Variants in ADAM2 observed in about 807,000 individuals in gnomAD.
ADAM2 encodes the protein disintegrin and metalloproteinase domain-containing protein 2.
A neutral mutation model predicts 99.3 loss-of-function variants in ADAM2; 101 were observed. The observed-to-expected ratio is 1.02, with a 90% confidence interval of 0.87 to 1.20. ADAM2 has a LOEUF of 1.20. Among genes scored for constraint, ADAM2 ranks in the 50% most tolerant of loss-of-function variants. ADAM2 has a pLI of 0.00. For missense variants in ADAM2, 948 were observed against 878.7 expected (o/e 1.08, Z -1.00); for synonymous variants, 323 against 287.6 (o/e 1.12, Z -1.25).
chr8:39,758,484 A>T (rs891070438), intron 15 of ADAM2, among the ~76,000 whole-genome samples: 1 of 152,052 alleles, frequency 6.6e-6, no homozygotes, highest in Non-Finnish European at 1.5e-5. Context: ...TACAGGAATT[A>T]TTTGCACTAT....
intron 3 of ADAM2, among the ~76,000 whole-genome samples, chr8:39,829,356 C>T (rs1360110854): frequency 6.6e-6 from 1 of 151,872 alleles, no homozygotes; most frequent in Non-Finnish European, 1.5e-5. Context: ...CTTAAACAGG[C>T]ACTTCACAGG....
At chr8:39,793,476 A>C (rs1288483016) in intron 7 of ADAM2, among the ~76,000 whole-genome samples, 1 of 152,094 alleles carries the variant, frequency 6.6e-6, no homozygotes, top group African/African-American at 2.4e-5. Flanking sequence ...CCATTGGGAG[A>C]ATTTTTTAAG....
intron 7 of ADAM2, among the ~76,000 whole-genome samples, chr8:39,795,906 A>G (rs557596111): frequency 2.5e-4 from 38 of 152,296 alleles, no homozygotes; most frequent in African/African-American, 8.9e-4. Context: ...CTGCACTTAC[A>G]TAATAATTAG....
At chr8:39,750,245 A>T (rs193125972) in intron 16 of ADAM2, among the ~76,000 whole-genome samples, 112 of 152,262 alleles carry the variant, frequency 7.4e-4, no homozygotes, top group Admixed American at 2.0e-3. Flanking sequence ...TGAGAAATCT[A>T]AAGGGCAGTG....
Position 39,777,025 on chromosome 8 carries a change from A to G in ADAM2, c.1028T>C (p.Ile343Thr), listed in dbSNP as rs1296428328. 9 of 1,558,982 alleles carry G rather than the reference A, an allele frequency of 5.8e-6. No individual in the cohort carries two copies. In the Admixed American group the frequency reaches 1.2e-4, roughly 20 times the overall value. ...AAAGTATAAAAGTCAGAAATCTTAC[A>G]TTGCTTCTGGATTCATAATGCAGAC... Reference protein sequence around the residue: ...GAVCIMNPEAIHFSGVKIFSN... With the variant: ...GAVCIMNPEATHFSGVKIFSN... The change falls in exon 11 of 21, where the codon ATT (isoleucine) becomes ACT (threonine). Residue 343 changes from isoleucine to threonine, a missense_variant and splice_region_variant. Transcript: ENST00000265708.
intron 7 of ADAM2, among the ~76,000 whole-genome samples, chr8:39,789,392 C>G (rs1012329228): frequency 2.0e-5 from 3 of 151,766 alleles, no homozygotes; most frequent in Non-Finnish European, 4.4e-5. Context: ...ATCTATAGCA[C>G]ATTTCACTAC....
intron 6 of ADAM2, among the ~76,000 whole-genome samples, chr8:39,817,139 T>C (rs1316057712): frequency 6.6e-6 from 1 of 151,570 alleles, no homozygotes; most frequent in Non-Finnish European, 1.5e-5. Flanking sequence ...AAAAAATAAA[T>C]AGATTAGATA....
At chr8:39,833,135 G>A (rs1379264116) in intron 3 of ADAM2, among the ~76,000 whole-genome samples, 7 of 152,110 alleles carry the variant, frequency 4.6e-5, no homozygotes, top group South Asian at 2.1e-4. Context: ...GGGATTCTAT[G>A]TCAGTTTGCT....
At chr8:39,808,429 T>A (rs1231747783) in intron 7 of ADAM2, among the ~76,000 whole-genome samples, 1 of 151,992 alleles carries the variant, frequency 6.6e-6, no homozygotes, top group Non-Finnish European at 1.5e-5. Context: ...TCAAAGAAGA[T>A]CTAAATAATG....
At chr8:39,811,439 C>A (rs1001246781) in intron 6 of ADAM2, among the ~76,000 whole-genome samples, 1 of 152,152 alleles carries the variant, frequency 6.6e-6, no homozygotes, top group African/African-American at 2.4e-5. Context: ...AGGCCAGCAT[C>A]ATCCTGATAC....
At chr8:39,754,566 G>A (rs1282097033) in intron 16 of ADAM2, among the ~76,000 whole-genome samples, 5 of 152,156 alleles carry the variant, frequency 3.3e-5, no homozygotes, top group African/African-American at 9.7e-5. Flanking sequence ...AAAAGCAAAT[G>A]TGTTGCACAA....
At chr8:39,837,613 C>T (rs1805893997) in intron 1 of ADAM2, among the ~76,000 whole-genome samples, 1 of 152,142 alleles carries the variant, frequency 6.6e-6, no homozygotes, top group African/African-American at 2.4e-5. Context: ...TCTCGATCTC[C>T]TGACCTCGTG....
chr8:39,748,318 G>A (rs933053440), intron 18 of ADAM2, among the ~76,000 whole-genome samples: 4 of 152,104 alleles, frequency 2.6e-5, no homozygotes, highest in African/African-American at 9.7e-5. Flanking sequence ...GGTCTCCACT[G>A]CTCATTGGGA....
intron 3 of ADAM2, among the ~76,000 whole-genome samples, chr8:39,826,386 A>G (rs534736018): frequency 6.6e-6 from 1 of 152,218 alleles, no homozygotes; most frequent in African/African-American, 2.4e-5. Flanking sequence ...CTGGACACCC[A>G]CATGCAGAAA....
Position 39,744,820 on chromosome 8 carries a change from AG to A in ADAM2, c.*30+9del. 6.4e-7 allele frequency: 1 copy of A among 1,552,716 alleles called. No homozygotes were observed. The highest frequency in any genetic ancestry group is 8.7e-7 in the Non-Finnish European group (1 of 1,146,100). On this transcript the variant is annotated intron_variant, in intron 20 of 20. Transcript: ENST00000265708. Reference sequence around the variant, plus strand: ...GTAAAATAAATTTTAAAAAAATGAAAGAAACTCACAGTGATATCATGGCATC... The same window carrying A: ...GTAAAATAAATTTTAAAAAAATGAAAAAACTCACAGTGATATCATGGCATC...
chr8:39,777,242 T>C lies in ADAM2; in HGVS notation c.892-81A>G, dbSNP rs990627669. Reference sequence around the variant, plus strand: ...AACAATGCAATTATTAAAGATCACATGATAAAATGGAATAGGGGCATCTGT... The same window carrying C: ...AACAATGCAATTATTAAAGATCACACGATAAAATGGAATAGGGGCATCTGT... On this transcript the variant is annotated intron_variant, in intron 10 of 20. Transcript: ENST00000265708. 2.7e-5 allele frequency: 32 copies of C among 1,180,020 alleles called. No individual in the cohort carries two copies. The South Asian group carries it at 4.0e-4, about 15-fold the overall frequency. The allele number at this position is 1,180,020 out of a possible 1,614,324, so 73.1% of individuals were successfully genotyped here.
At chr8:39,831,655 TC>T (rs1267880653) in intron 3 of ADAM2, among the ~76,000 whole-genome samples, 2 of 151,950 alleles carry the variant, frequency 1.3e-5, no homozygotes, top group African/African-American at 4.8e-5. Context: ...TGTACAGAAA[TC>T]CTAACCATGA....
intron 14 of ADAM2, among the ~76,000 whole-genome samples, chr8:39,763,594 C>T (rs1802456160): frequency 6.6e-6 from 1 of 152,238 alleles, no homozygotes; most frequent in African/African-American, 2.4e-5. Flanking sequence ...TGCTAAACAA[C>T]AATGCCCACT....
intron 15 of ADAM2, among the ~76,000 whole-genome samples, chr8:39,758,003 T>C (rs1236796758): frequency 6.6e-6 from 1 of 152,218 alleles, no homozygotes; most frequent in Non-Finnish European, 1.5e-5. Flanking sequence ...TCAGTAAGTA[T>C]ATGCTTTAGC....
Sources: gnomAD v4.1 joint callset for allele counts (sites outside exome capture counted in the v4.1 genomes callset) on GRCh38, gnomAD v4.1.1 for gene constraint, MANE v1.5 for transcripts, NCBI Gene and HGNC (gene_info 2026-07-23, HGNC 2026-07-21) for gene names.